The following RBFOX2 variants were observed in gnomAD, a reference collection of about 807,000 sequenced individuals.
RBFOX2 encodes RNA binding fox-1 homolog 2, also known as RNA binding protein fox-1 homolog 2.
Under a neutral mutation model 49.1 loss-of-function variants are expected in RBFOX2, and 10 were observed. That is an observed-to-expected ratio of 0.20 (90% CI 0.13 to 0.35). The LOEUF is 0.35. Ranked by LOEUF, RBFOX2 falls within the 10% of genes least tolerant of loss-of-function variation. RBFOX2 has a pLI of 1.00. For synonymous variants in RBFOX2, 183 were observed against 187.4 expected (o/e 0.98, Z 0.19); for missense variants, 323 against 486.9 (o/e 0.66, Z 3.17).
chr22:36,011,564 C>T (rs187161964), intron 1 of RBFOX2, among the ~76,000 whole-genome samples: 1 of 152,162 alleles, frequency 6.6e-6, no homozygotes. Context: ...GAATAGTACG[C>T]ATACTGTCAA....
At chr22:35,874,741 G>A (rs1027885340) in intron 1 of RBFOX2, among the ~76,000 whole-genome samples, 1 of 152,156 alleles carries the variant, frequency 6.6e-6, no homozygotes, top group Non-Finnish European at 1.5e-5. Context: ...GTCTACCAAG[G>A]TGATTAACAC....
chr22:35,931,743 C>A (rs1424438541), intron 1 of RBFOX2, among the ~76,000 whole-genome samples: 2 of 152,072 alleles, frequency 1.3e-5, no homozygotes, highest in African/African-American at 2.4e-5. Context: ...CCACTGCACT[C>A]CAGCCTAGGT....
chr22:35,772,577 A>T (rs902971400), intron 4 of RBFOX2, among the ~76,000 whole-genome samples: 3 of 152,130 alleles, frequency 2.0e-5, no homozygotes, highest in African/African-American at 7.2e-5. Flanking sequence ...AGGTCTCTAC[A>T]CTTTATACTC....
exon 1 of RBFOX2, among the ~76,000 whole-genome samples, chr22:36,028,801 G>A (rs903392956): frequency 3.9e-5 from 6 of 152,118 alleles, no homozygotes; most frequent in Admixed American, 1.3e-4. Flanking sequence ...CAGCACGCCG[G>A]CCGAGGGAGG....
chr22:35,936,884 TAA>T (rs1328572229), intron 1 of RBFOX2, among the ~76,000 whole-genome samples: 1 of 152,248 alleles, frequency 6.6e-6, no homozygotes, highest in Non-Finnish European at 1.5e-5. Context: ...CTAAACTCAG[TAA>T]GTCTATTTCC....
At chr22:35,752,150 C>T (rs1935181045) in intron 9 of RBFOX2, among the ~76,000 whole-genome samples, 1 of 152,156 alleles carries the variant, frequency 6.6e-6, no homozygotes, top group Admixed American at 6.5e-5. Flanking sequence ...CAGCACAGTC[C>T]AATTACAACT....
intron 1 of RBFOX2, among the ~76,000 whole-genome samples, chr22:36,005,447 C>G: frequency 6.6e-6 from 1 of 152,354 alleles, no homozygotes; most frequent in African/African-American, 2.4e-5. Context: ...TGACAGAACA[C>G]TGACGGCAAT....
intron 9 of RBFOX2, chr22:35,746,785 T>A: frequency 2.6e-6 from 1 of 385,184 alleles, no homozygotes; most frequent in Non-Finnish European, 4.6e-6. Context: ...TGCTTTCCAA[T>A]TTGTGATAGT....
At chr22:35,760,737 T>G (rs866129845) in intron 8 of RBFOX2, among the ~76,000 whole-genome samples, 3 of 152,182 alleles carry the variant, frequency 2.0e-5, no homozygotes, top group Admixed American at 6.5e-5. Context: ...ATTGATTCCA[T>G]GTCCACTGAA....
At chr22:35,802,139 A>G (rs1949898526) in intron 2 of RBFOX2, among the ~76,000 whole-genome samples, 1 of 152,198 alleles carries the variant, frequency 6.6e-6, no homozygotes, top group African/African-American at 2.4e-5. Flanking sequence ...ATGTAAATAT[A>G]TGTATATTTA....
chr22:35,809,870 G>C, exon 2 of RBFOX2: 5 of 1,614,046 alleles, frequency 3.1e-6, no homozygotes, highest in African/African-American at 1.3e-5. Flanking sequence ...TATGCTCACC[G>C]GTCTGGCCGG....
chr22:35,753,913 G>C (rs1935953514), intron 9 of RBFOX2, among the ~76,000 whole-genome samples: 1 of 150,816 alleles, frequency 6.6e-6, no homozygotes, highest in Non-Finnish European at 1.5e-5. Context: ...CTCCCAAGTA[G>C]CTGAAACTAC....
intron 1 of RBFOX2, among the ~76,000 whole-genome samples, chr22:36,027,625 C>T (rs2059495297): frequency 6.6e-6 from 1 of 152,194 alleles, no homozygotes; most frequent in African/African-American, 2.4e-5. Flanking sequence ...CCTTCAGACT[C>T]ATTAGTATGC....
chr22:36,025,946 T>C (rs1452909997), intron 1 of RBFOX2, among the ~76,000 whole-genome samples: 2 of 151,752 alleles, frequency 1.3e-5, no homozygotes, highest in African/African-American at 2.4e-5. Flanking sequence ...CTGTATGACA[T>C]AGGGGAATGG....
chr22:36,013,795 G>C (rs1293200795), intron 1 of RBFOX2, among the ~76,000 whole-genome samples: 1 of 152,152 alleles, frequency 6.6e-6, no homozygotes, highest in Non-Finnish European at 1.5e-5. Context: ...AAAAAGAAAG[G>C]AGGGGGGATA....
At chr22:35,884,928 G>A (rs1021436162) in intron 1 of RBFOX2, among the ~76,000 whole-genome samples, 1 of 152,046 alleles carries the variant, frequency 6.6e-6, no homozygotes, top group Non-Finnish European at 1.5e-5. Context: ...ATCAGACCCA[G>A]TGCCTCCTAT....
chr22:35,987,900 G>A (rs148021576), intron 1 of RBFOX2, among the ~76,000 whole-genome samples: 40 of 152,330 alleles, frequency 2.6e-4, no homozygotes, highest in Non-Finnish European at 4.7e-4. Context: ...TAAAGCCACT[G>A]TTGATCAACT....
At chr22:35,961,438 C>T in intron 1 of RBFOX2, 3 of 1,060,942 alleles carry the variant, frequency 2.8e-6, no homozygotes, top group Admixed American at 5.5e-5. Flanking sequence ...ATTAATGCAG[C>T]TCAGCACAAT....
intron 1 of RBFOX2, chr22:35,898,535 C>A: frequency 3.8e-6 from 1 of 260,564 alleles, no homozygotes. Flanking sequence ...AAGCGATCCT[C>A]TCACCTCAGC....
Sources: gnomAD v4.1 joint callset for allele counts (sites outside exome capture counted in the v4.1 genomes callset) on GRCh38, gnomAD v4.1.1 for gene constraint, MANE v1.5 for transcripts, NCBI Gene and HGNC (gene_info 2026-07-23, HGNC 2026-07-21) for gene names.